Variants in SRBD1 observed in about 807,000 individuals in gnomAD.
SRBD1 encodes S1 RNA-binding domain-containing protein 1.
SRBD1 carries 88 observed loss-of-function variants against 115.3 expected under a neutral mutation model. The observed-to-expected ratio is 0.76, with a 90% CI of 0.64 to 0.91. SRBD1 has a LOEUF of 0.91. SRBD1 is among the 40% of genes least tolerant of loss of function. The probability of loss-of-function intolerance (pLI) is 0.00; values close to 1 mark genes in which losing one functional copy is unlikely to be tolerated. For missense variants in SRBD1, 1,385 were observed against 1,177.4 expected, an observed-to-expected ratio of 1.18 and a Z score of -2.58; for synonymous variants, 509 against 407.7, an observed-to-expected ratio of 1.25 and a Z score of -2.99.
intron 9 of SRBD1, 66 bp downstream of exon 9, chr2:45,573,141 A>T: frequency 2.0e-6 from 3 of 1,465,184 alleles, no homozygotes; most frequent in South Asian, 1.4e-5. Context: ...TTAGTAAAGT[A>T]GCAGGCAAAT....
rs149216118 is a variant in SRBD1, at chr2:45,564,602, T to C, written c.1306-1846A>G. Among the ~76,000 whole-genome samples the C allele has an allele frequency of 9.4e-3, 1,426 of 152,260 alleles. 23 individuals are homozygous for C. Among genetic ancestry groups the C allele is most frequent in the African/African-American group, 0.032 (1,342 of 41,542 alleles). On this transcript the variant is annotated intron_variant, in intron 9 of 20. Transcript: ENST00000263736. ...AAAATTAATTTATACATACTAGCAA[T>C]AAACATTCTGAAAATAATTTTTTTT...
intron 14 of SRBD1, among the ~76,000 whole-genome samples, chr2:45,537,261 T>C (rs1178899822): frequency 6.6e-6 from 1 of 152,200 alleles, no homozygotes; most frequent in Non-Finnish European, 1.5e-5. Flanking sequence ...ACCAAGAATA[T>C]CGGTTATACC....
chr2:45,520,557 C>T (rs553489561), intron 14 of SRBD1, among the ~76,000 whole-genome samples: 1 of 152,210 alleles, frequency 6.6e-6, no homozygotes, highest in Non-Finnish European at 1.5e-5. Context: ...TTCTTGTTTT[C>T]GTGCCCAAAA....
At chr2:45,414,838 A>G (rs1441569610) in intron 18 of SRBD1, among the ~76,000 whole-genome samples, 1 of 146,074 alleles carries the variant, frequency 6.8e-6, no homozygotes, top group East Asian at 2.0e-4. Context: ...TAGTATGTAC[A>G]CACACATATA....
At position 45,573,221 on chromosome 2, in the gene SRBD1, TG is replaced by T; in HGVS notation, c.1290del (p.Asn430LysfsTer16). 6.2e-7 allele frequency: 1 copy of T among 1,608,536 alleles called. No individual in the cohort carries two copies. The highest frequency in any genetic ancestry group is 8.5e-7 in the Non-Finnish European group (1 of 1,178,134). ...LYQHFSCNIR[N>X]IHHHQILAIN... ...TCTTTATTTACCTGATGATGGTGAA[TG>T]TTTCTTATGTTGCAGGAAAAATGCT... is the stretch of plus-strand genomic sequence containing the variant. On this transcript the variant is annotated frameshift_variant, in exon 9 of 21. Coordinates refer to ENST00000263736, the MANE Select transcript of SRBD1 (RefSeq NM_018079.5). LOFTEE classifies it high-confidence loss of function.
At chr2:45,411,067 CA>C (rs951784279) in intron 19 of SRBD1, among the ~76,000 whole-genome samples, 13 of 152,208 alleles carry the variant, frequency 8.5e-5, no homozygotes, top group African/African-American at 3.1e-4. Flanking sequence ...TTACAGGTCA[CA>C]ACCAGACCTC....
At position 45,531,793 on chromosome 2, in the gene SRBD1, G is replaced by A. The variant is rs180680706; in HGVS notation, c.1874+14939C>T. Among the ~76,000 whole-genome samples the A allele has an allele frequency of 4.1e-4, 63 of 151,848 alleles. 3 individuals are homozygous for A. Among genetic ancestry groups the A allele is most frequent in the Non-Finnish European group, 1.9e-4 (13 of 67,814 alleles). On this transcript the variant is annotated intron_variant, in intron 14 of 20. Coordinates refer to ENST00000263736, the MANE Select transcript of SRBD1 (RefSeq NM_018079.5). ...GTAATACATATGGCAAGCCTTCTCT[G>A]AGTCCTTTTTCCTTTGTTCTTTCTT...
chr2:45,391,084 T>G (rs1666985090), intron 20 of SRBD1, among the ~76,000 whole-genome samples: 1 of 152,164 alleles, frequency 6.6e-6, no homozygotes, highest in Admixed American at 6.5e-5. Context: ...CTCTCTCTTT[T>G]CTTGGGGAGG....
intron 14 of SRBD1, among the ~76,000 whole-genome samples, chr2:45,541,916 C>T (rs1671953680): frequency 6.6e-6 from 1 of 152,328 alleles, no homozygotes; most frequent in South Asian, 2.1e-4. Context: ...GGAAAAAGTA[C>T]CATAAGTTCA....
intron 16 of SRBD1, among the ~76,000 whole-genome samples, chr2:45,422,790 G>T (rs567165918): frequency 2.6e-5 from 4 of 152,290 alleles, no homozygotes; most frequent in African/African-American, 9.6e-5. Flanking sequence ...AACTTTCAGT[G>T]TATTTTTCAG....
chr2:45,446,890 C>G (rs925188731), intron 16 of SRBD1, among the ~76,000 whole-genome samples: 11 of 152,062 alleles, frequency 7.2e-5, no homozygotes, highest in African/African-American at 2.7e-4. Flanking sequence ...ATTCTACATC[C>G]ACTGAAACTA....
rs570364810 is a variant in SRBD1 at position 45,478,791 on chromosome 2, C to A, written c.1967-1716G>T. Reference sequence around the variant, plus strand: ...GTAAAAACAACAACAAAAACCCCCACAACAGTAAACCAAGTCAAGAATTTA... The same window carrying A: ...GTAAAAACAACAACAAAAACCCCCAAAACAGTAAACCAAGTCAAGAATTTA... On this transcript the variant is annotated intron_variant, in intron 15 of 20. Transcript: ENST00000263736. 1.4e-4 allele frequency among the ~76,000 whole-genome samples: 21 copies of A among 152,270 alleles called. No individual in the cohort carries two copies. The South Asian group carries it at 4.4e-3, about 32-fold the overall frequency.
At chr2:45,459,768 G>A (rs1360395053) in intron 16 of SRBD1, among the ~76,000 whole-genome samples, 4 of 152,176 alleles carry the variant, frequency 2.6e-5, no homozygotes, top group South Asian at 2.1e-4. Flanking sequence ...CTTTCCCAAG[G>A]TGACATGACA....
chr2:45,572,747 C>T (rs914949016), intron 9 of SRBD1, among the ~76,000 whole-genome samples: 7 of 151,962 alleles, frequency 4.6e-5, no homozygotes, highest in South Asian at 4.1e-4. Context: ...ATATAGCCTA[C>T]GACTACACTT....
chr2:45,427,423 G>A (rs1034729338), intron 16 of SRBD1, among the ~76,000 whole-genome samples: 11 of 148,388 alleles, frequency 7.4e-5, no homozygotes, highest in African/African-American at 2.7e-4. Flanking sequence ...ATAAAGGGAT[G>A]GAGGAATATT....
chr2:45,500,628 C>T (rs998942977), intron 14 of SRBD1, among the ~76,000 whole-genome samples: 6 of 152,058 alleles, frequency 3.9e-5, no homozygotes, highest in African/African-American at 1.4e-4. Context: ...GTTGCCCAGG[C>T]TGGTCTTGAA....
chr2:45,561,049 G>A (rs575999149), intron 10 of SRBD1, among the ~76,000 whole-genome samples: 14 of 152,228 alleles, frequency 9.2e-5, no homozygotes, highest in Non-Finnish European at 1.6e-4. Flanking sequence ...TGAGGCTGTA[G>A]TGAGCTATGA....
intron 16 of SRBD1, among the ~76,000 whole-genome samples, chr2:45,464,096 G>A (rs962238872): frequency 4.6e-5 from 7 of 151,500 alleles, no homozygotes; most frequent in East Asian, 3.9e-4. Context: ...TATTTCCACC[G>A]AGAACAGAAT....
chr2:45,497,635 G>A (rs958770934), intron 14 of SRBD1, among the ~76,000 whole-genome samples: 2 of 152,092 alleles, frequency 1.3e-5, no homozygotes, highest in African/African-American at 2.4e-5. Context: ...GCTGAGGTAT[G>A]ATTTACATTG....
Sources: allele counts gnomAD v4.1 joint callset (sites outside exome capture counted in the v4.1 genomes callset), GRCh38; gene constraint gnomAD v4.1.1; transcripts MANE v1.5; gene names NCBI Gene and HGNC (gene_info 2026-07-23, HGNC 2026-07-21).